Variants in EXOC4 observed in about 807,000 individuals in gnomAD.
EXOC4 encodes the protein SEC8-like 1.
In EXOC4, 71 loss-of-function variants were observed where a neutral mutation model predicts 107.2. The ratio of observed to expected loss-of-function variants is 0.66; its 90% confidence interval spans 0.55 to 0.81. EXOC4 has a LOEUF of 0.81. Ranked by LOEUF, EXOC4 falls within the 30% of genes least tolerant of loss-of-function variation. The pLI is 0.00. For missense variants in EXOC4, 1,108 were observed against 1,189.6 expected, an observed-to-expected ratio of 0.93 and a Z score of 1.01; for synonymous variants, 456 against 441.2, an observed-to-expected ratio of 1.03 and a Z score of -0.42.
chr7:133,280,902 T>C (rs1296337157), intron 2 of EXOC4, among the ~76,000 whole-genome samples: 2 of 152,218 alleles, frequency 1.3e-5, no homozygotes, highest in African/African-American at 2.4e-5. Flanking sequence ...CTTTGGTTTC[T>C]AGAAATGGAC....
intron 9 of EXOC4, among the ~76,000 whole-genome samples, chr7:133,603,953 CA>C (rs1307762692): frequency 6.6e-6 from 1 of 151,888 alleles, no homozygotes; most frequent in African/African-American, 2.4e-5. Context: ...TACAGCTGTA[CA>C]AAAATATTTT....
At chr7:133,686,210 G>A (rs984523918) in intron 10 of EXOC4, among the ~76,000 whole-genome samples, 2 of 152,018 alleles carry the variant, frequency 1.3e-5, no homozygotes, top group African/African-American at 4.8e-5. Context: ...CTTGACCTTG[G>A]ACTTTCCAGC....
At chr7:134,087,726 C>T in the EXOC4 span, among the ~76,000 whole-genome samples, 2 of 152,134 alleles carry the variant, frequency 1.3e-5, no homozygotes, top group Admixed American at 6.6e-5. Context: ...GTCTTAATTA[C>T]AGGAAATAAA....
intron 6 of EXOC4, among the ~76,000 whole-genome samples, chr7:133,365,828 C>T (rs1014415895): frequency 2.6e-5 from 4 of 152,102 alleles, no homozygotes; most frequent in Non-Finnish European, 5.9e-5. Context: ...AAACAAAGAC[C>T]ATTTTTATCT....
chr7:133,430,280 A>G (rs887150002), intron 7 of EXOC4, among the ~76,000 whole-genome samples: 7 of 152,022 alleles, frequency 4.6e-5, no homozygotes, highest in Non-Finnish European at 7.4e-5. Context: ...TCCTCTGCCA[A>G]TGGAGTTTGG....
chr7:133,420,043 A>G, intron 7 of EXOC4, among the ~76,000 whole-genome samples: 2 of 146,334 alleles, frequency 1.4e-5, no homozygotes, highest in Non-Finnish European at 3.0e-5. Context: ...ATATGTATAC[A>G]TGTGCCATGC....
At chr7:133,375,055 TAAC>T (rs747580038) in intron 7 of EXOC4, 53 bp downstream of exon 7, 115 of 1,473,760 alleles carry the variant, frequency 7.8e-5, no homozygotes, top group Middle Eastern at 1.9e-4. Flanking sequence ...CAGTTTAGAA[TAAC>T]AACAACAACA....
intron 17 of EXOC4, among the ~76,000 whole-genome samples, chr7:134,063,103 A>G (rs911022086): frequency 3.9e-5 from 6 of 152,198 alleles, no homozygotes; most frequent in African/African-American, 1.4e-4. Flanking sequence ...GTCTAAAATC[A>G]TAGCCTGATG....
At chr7:133,597,819 T>C (rs140606770) in intron 9 of EXOC4, among the ~76,000 whole-genome samples, 305 of 152,100 alleles carry the variant, frequency 2.0e-3, no homozygotes, top group Non-Finnish European at 3.2e-3. Flanking sequence ...GAGATCAGTC[T>C]GGCCAACATG....
chr7:133,469,122 G>A (rs1470519364), intron 7 of EXOC4, among the ~76,000 whole-genome samples: 3 of 152,126 alleles, frequency 2.0e-5, no homozygotes, highest in Admixed American at 1.3e-4. Context: ...GAAGTTAGTA[G>A]TCAAGAAAAT....
chr7:133,594,998 G>T (rs1010724219), intron 9 of EXOC4, among the ~76,000 whole-genome samples: 3 of 152,184 alleles, frequency 2.0e-5, no homozygotes, highest in African/African-American at 7.2e-5. Flanking sequence ...TGAGGTTTGA[G>T]CAGGAACTGA....
chr7:134,025,358 C>T (rs1276318916), intron 17 of EXOC4, among the ~76,000 whole-genome samples: 1 of 152,114 alleles, frequency 6.6e-6, no homozygotes, highest in Non-Finnish European at 1.5e-5. Flanking sequence ...ATTGCATGCC[C>T]TGAAGCAAGG....
At chr7:133,758,527 T>C (rs1795965647) in intron 10 of EXOC4, among the ~76,000 whole-genome samples, 1 of 152,166 alleles carries the variant, frequency 6.6e-6, no homozygotes, top group Non-Finnish European at 1.5e-5. Flanking sequence ...AAAGGCTAGG[T>C]CTCAATCCCT....
chr7:133,330,970 T>G lies in EXOC4; in HGVS notation c.763+13580T>G, dbSNP rs138683503. On this transcript the variant is annotated intron_variant, in intron 5 of 17. Transcript: ENST00000253861. The stretch of plus-strand genomic sequence containing the variant: ...TTTTTTTTAAATAATAGTTTATAAG[T>G]TATAGTTTGCAAAATATATCATTTA... Among the ~76,000 whole-genome samples the G allele has an allele frequency of 2.4e-4, 37 of 151,998 alleles. No individual in the cohort carries two copies. The East Asian group carries it at 6.4e-3, about 26-fold the overall frequency.
chr7:133,684,095 TAGACACC>T (rs1417266546), intron 10 of EXOC4, among the ~76,000 whole-genome samples: 2 of 152,110 alleles, frequency 1.3e-5, no homozygotes, highest in Non-Finnish European at 2.9e-5. Context: ...CCAAATTATT[TAGACACC>T]TCTACTTTAA....
intron 9 of EXOC4, among the ~76,000 whole-genome samples, chr7:133,537,298 C>CA (rs1055547668): frequency 6.9e-6 from 1 of 144,614 alleles, no homozygotes; most frequent in African/African-American, 2.6e-5. Flanking sequence ...TTACAGGCAC[C>CA]CCCCCCCCCA....
At chr7:133,598,215 G>GA (rs1801727458) in intron 9 of EXOC4, among the ~76,000 whole-genome samples, 1 of 152,134 alleles carries the variant, frequency 6.6e-6, no homozygotes, top group African/African-American at 2.4e-5. Flanking sequence ...TTAATTCTGA[G>GA]AAAAAATCAG....
intron 9 of EXOC4, among the ~76,000 whole-genome samples, chr7:133,612,994 G>C (rs1802105837): frequency 1.3e-5 from 2 of 152,086 alleles, no homozygotes; most frequent in South Asian, 4.1e-4. Context: ...TTTATGTGTG[G>C]ATTTTAAAAA....
intron 10 of EXOC4, among the ~76,000 whole-genome samples, chr7:133,676,104 A>G (rs1304322710): frequency 6.6e-6 from 1 of 152,064 alleles, no homozygotes; most frequent in Non-Finnish European, 1.5e-5. Flanking sequence ...TCGTGGCGTG[A>G]GAATTGCAGT....
Sources: allele counts gnomAD v4.1 joint callset (sites outside exome capture counted in the v4.1 genomes callset), GRCh38; gene constraint gnomAD v4.1.1; transcripts MANE v1.5; gene names NCBI Gene and HGNC (gene_info 2026-07-23, HGNC 2026-07-21).